The following GAB1 variants were observed in gnomAD, a reference collection of about 807,000 sequenced individuals.
GAB1 encodes GRB2-associated-binding protein 1.
In GAB1, 19 loss-of-function variants were observed where a neutral mutation model predicts 66.5. That is an observed-to-expected ratio of 0.29 (90% CI 0.20 to 0.42). The LOEUF (loss-of-function observed/expected upper bound fraction) is 0.42, where lower values mean the gene tolerates loss of function less well. Ranked by LOEUF, GAB1 falls within the 10% of genes least tolerant of loss-of-function variation. The pLI is 1.00. For missense variants in GAB1, 732 were observed against 858.5 expected (o/e 0.85, Z 1.84); for synonymous variants, 294 against 301.4 (o/e 0.98, Z 0.25).
intron 1 of GAB1, among the ~76,000 whole-genome samples, chr4:143,342,641 T>C (rs1312565555): frequency 7.6e-6 from 1 of 132,020 alleles, no homozygotes. Context: ...CACTGCAACC[T>C]CCATCTCCCG....
At chr4:143,464,928 C>A (rs1735701634) in intron 8 of GAB1, among the ~76,000 whole-genome samples, 1 of 152,166 alleles carries the variant, frequency 6.6e-6, no homozygotes. Context: ...CAGATGTATG[C>A]AGTTTTCAAA....
At chr4:143,349,339 A>T in intron 1 of GAB1, 1 of 1,204,374 alleles carries the variant, frequency 8.3e-7, no homozygotes, top group Non-Finnish European at 1.2e-6. Context: ...GGTCTTGACT[A>T]GGTGGTCAGT....
chr4:143,400,149 G>T (rs1731691290), intron 1 of GAB1, among the ~76,000 whole-genome samples: 1 of 152,228 alleles, frequency 6.6e-6, no homozygotes, highest in Middle Eastern at 3.4e-3. Flanking sequence ...CACCATGTTG[G>T]CCAGACTGGT....
At chr4:143,405,671 T>C (rs891920536) in intron 1 of GAB1, among the ~76,000 whole-genome samples, 3 of 152,142 alleles carry the variant, frequency 2.0e-5, no homozygotes, top group Non-Finnish European at 2.9e-5. Context: ...TGCTGAACAC[T>C]TAAAGAGAAA....
chr4:143,366,644 C>G (rs777201493), intron 1 of GAB1, among the ~76,000 whole-genome samples: 1 of 151,962 alleles, frequency 6.6e-6, no homozygotes, highest in Non-Finnish European at 1.5e-5. Context: ...TACATACATA[C>G]GCAGGCACAC....
rs186561511 is a variant in GAB1, at chr4:143,453,793, A to G, written c.1586-5592A>G. Among the ~76,000 whole-genome samples the G allele has an allele frequency of 3.3e-4, 51 of 152,294 alleles. No individual in the cohort carries two copies. In the East Asian group the frequency reaches 9.5e-3, roughly 28 times the overall value. On this transcript the variant is annotated intron_variant, in intron 6 of 9. Transcript: ENST00000262994. ...AATTTAAATTCTAGCTCTACCAGTCATCATCTGTGTGACTCTGGGCAAGTT... is the reference window on the plus strand; with the variant it reads ...AATTTAAATTCTAGCTCTACCAGTCGTCATCTGTGTGACTCTGGGCAAGTT...
intron 1 of GAB1, among the ~76,000 whole-genome samples, chr4:143,381,325 G>A (rs1053158887): frequency 1.3e-5 from 2 of 152,128 alleles, no homozygotes; most frequent in Non-Finnish European, 2.9e-5. Context: ...TTCAAATCCA[G>A]GGAACACATG....
chr4:143,429,391 A>C (rs966063020), intron 2 of GAB1, among the ~76,000 whole-genome samples: 1 of 152,210 alleles, frequency 6.6e-6, no homozygotes, highest in Non-Finnish European at 1.5e-5. Context: ...GGTGTGAGCC[A>C]CTGTGCCCAG....
chr4:143,353,452 G>A (rs1044343231), intron 1 of GAB1, among the ~76,000 whole-genome samples: 7 of 152,172 alleles, frequency 4.6e-5, no homozygotes, highest in Non-Finnish European at 8.8e-5. Flanking sequence ...TAGAGAAAGA[G>A]CAATAGAGAC....
At chr4:143,442,113 A>G (rs1483567859) in intron 6 of GAB1, among the ~76,000 whole-genome samples, 1 of 152,226 alleles carries the variant, frequency 6.6e-6, no homozygotes, top group African/African-American at 2.4e-5. Context: ...ATATGCAAAA[A>G]TATGTTTGGA....
intron 1 of GAB1, chr4:143,350,064 C>CCCAGGGCCA (rs1270627337): frequency 6.6e-6 from 10 of 1,506,580 alleles, no homozygotes; most frequent in South Asian, 1.2e-5. Flanking sequence ...GGTTCCCCAT[C>CCCAGGGCCA]CCAGGGCCAC....
chr4:143,429,446 C>G (rs984609787), intron 2 of GAB1, among the ~76,000 whole-genome samples: 3 of 152,110 alleles, frequency 2.0e-5, no homozygotes, highest in Non-Finnish European at 4.4e-5. Flanking sequence ...CGACTTTGTT[C>G]CACAAGGAGT....
intron 2 of GAB1, chr4:143,425,107 C>G: frequency 1.2e-6 from 1 of 868,606 alleles, no homozygotes; most frequent in South Asian, 1.3e-5. Flanking sequence ...AAGTTCCTTG[C>G]AGCAGGAACC....
chr4:143,439,788 G>A lies in GAB1; in HGVS notation c.1196-14G>A. ...AGATGGGAATAAATGTTGATAGTTTGTTCTTTATTTTAGATGCTAGTTCTC... is the reference window on the plus strand; with the variant it reads ...AGATGGGAATAAATGTTGATAGTTTATTCTTTATTTTAGATGCTAGTTCTC... On this transcript the variant is annotated splice_polypyrimidine_tract_variant and intron_variant, in intron 4 of 9. Coordinates refer to ENST00000262994, the MANE Select transcript of GAB1 (RefSeq NM_002039.4). The A allele has an allele frequency of 6.3e-7, 1 of 1,581,692 alleles. No individual in the cohort carries two copies. The highest frequency in any genetic ancestry group is 8.7e-7 in the Non-Finnish European group (1 of 1,150,784).
At chr4:143,364,259 A>T (rs1028255360) in intron 1 of GAB1, among the ~76,000 whole-genome samples, 12 of 150,920 alleles carry the variant, frequency 8.0e-5, no homozygotes, top group African/African-American at 2.7e-4. Context: ...GCCCACATTG[A>T]TGTTAATCTG....
intron 1 of GAB1, chr4:143,349,140 G>A: frequency 2.4e-6 from 1 of 414,132 alleles, no homozygotes; most frequent in South Asian, 4.1e-5. Context: ...TGAGCCCCAG[G>A]TACATTTGCC....
intron 3 of GAB1, among the ~76,000 whole-genome samples, chr4:143,435,290 A>C (rs1177812302): frequency 6.6e-6 from 1 of 152,202 alleles, no homozygotes; most frequent in East Asian, 1.9e-4. Flanking sequence ...AAGAGCAGAA[A>C]AAAATTTATA....
chr4:143,423,287 G>A (rs1578691161), intron 2 of GAB1, among the ~76,000 whole-genome samples: 2 of 152,208 alleles, frequency 1.3e-5, no homozygotes, highest in South Asian at 2.1e-4. Context: ...AAAGTCCTTT[G>A]TATGTTAATG....
chr4:143,421,698 C>CTTTTTTTTTTTTTTT (rs70953733), intron 2 of GAB1, among the ~76,000 whole-genome samples: 95 of 118,642 alleles, frequency 8.0e-4, no homozygotes, highest in Non-Finnish European at 1.0e-3. Flanking sequence ...CTTTTCTTTT[C>CTTTTTTTTTTTTTTT]TTTTTTTTTT....
Sources: allele counts gnomAD v4.1 joint callset (sites outside exome capture counted in the v4.1 genomes callset), GRCh38; gene constraint gnomAD v4.1.1; transcripts MANE v1.5; gene names NCBI Gene and HGNC (gene_info 2026-07-23, HGNC 2026-07-21).